KATNA1: variants seen among roughly 807,000 people sequenced by gnomAD.
KATNA1 encodes katanin p60 ATPase-containing subunit A1.
KATNA1 carries 42 observed loss-of-function variants against 62.6 expected under a neutral mutation model. That is an observed-to-expected ratio of 0.67 (90% CI 0.52 to 0.87). KATNA1 has a LOEUF of 0.87. Ranked by LOEUF, KATNA1 falls within the 40% of genes least tolerant of loss-of-function variation. KATNA1 has a pLI of 0.00. For synonymous variants in KATNA1, 186 were observed against 201.9 expected (o/e 0.92, Z 0.67); for missense variants, 498 against 612.5 (o/e 0.81, Z 1.97).
At chr6:149,627,666 A>G in intron 3 of KATNA1, among the ~76,000 whole-genome samples, 1 of 142,966 alleles carries the variant, frequency 7.0e-6, no homozygotes, top group African/African-American at 2.6e-5. Flanking sequence ...TGGGTGACAG[A>G]GTGAGACTCT....
intron 4 of KATNA1, among the ~76,000 whole-genome samples, chr6:149,613,796 T>C (rs74975855): frequency 6.6e-5 from 10 of 152,292 alleles, no homozygotes; most frequent in African/African-American, 2.4e-4. Context: ...AAGCAAGGTG[T>C]TGAAACTCAG....
intron 2 of KATNA1, among the ~76,000 whole-genome samples, chr6:149,637,911 C>A (rs9688858): frequency 0.53 from 80,804 of 151,896 alleles, 24,669 homozygotes; most frequent in East Asian, 0.83. Context: ...GATTATTATT[C>A]ATATAATAAA....
At chr6:149,603,588 C>T (rs1356053614) in intron 5 of KATNA1, among the ~76,000 whole-genome samples, 1 of 152,034 alleles carries the variant, frequency 6.6e-6, no homozygotes, top group African/African-American at 2.4e-5. Context: ...TGGCGGTTGA[C>T]AGTTTTTAGC....
intron 4 of KATNA1, among the ~76,000 whole-genome samples, chr6:149,614,739 A>G (rs1337832717): frequency 6.6e-6 from 1 of 152,198 alleles, no homozygotes; most frequent in East Asian, 1.9e-4. Context: ...CTGCCACCAT[A>G]TACCAGCCTG....
At chr6:149,627,744 CAGAG>C (rs1165782026) in intron 3 of KATNA1, among the ~76,000 whole-genome samples, 2 of 151,112 alleles carry the variant, frequency 1.3e-5, no homozygotes, top group African/African-American at 2.4e-5. Flanking sequence ...GTGGCAAAGT[CAGAG>C]ACAGACTTTC....
chr6:149,619,806 C>T (rs553755925), intron 4 of KATNA1, among the ~76,000 whole-genome samples: 102 of 152,128 alleles, frequency 6.7e-4, no homozygotes, highest in African/African-American at 2.1e-3. Context: ...TTTGGATATA[C>T]CCAGAATCAG....
intron 4 of KATNA1, among the ~76,000 whole-genome samples, chr6:149,614,874 G>A (rs1779100747): frequency 1.3e-5 from 2 of 152,122 alleles, no homozygotes; most frequent in African/African-American, 2.4e-5. Flanking sequence ...AGTGGCTCAC[G>A]CCTGTAATCC....
intron 4 of KATNA1, among the ~76,000 whole-genome samples, chr6:149,605,760 T>C (rs1778712432): frequency 6.6e-6 from 1 of 151,804 alleles, no homozygotes; most frequent in South Asian, 2.1e-4. Flanking sequence ...AATAATGCTT[T>C]ATTTATTTAT....
chr6:149,632,518 T>C (rs1391738815), intron 3 of KATNA1, among the ~76,000 whole-genome samples: 2 of 152,210 alleles, frequency 1.3e-5, no homozygotes, highest in Non-Finnish European at 2.9e-5. Flanking sequence ...GATAACACTG[T>C]CTCTACCACT....
In KATNA1 at chr6:149,623,260, C is replaced by T. The variant is rs759837219; in HGVS notation, c.344G>A (p.Arg115His). 2.1e-5 allele frequency: 34 copies of T among 1,598,890 alleles called. No homozygotes were observed. The highest frequency in any genetic ancestry group is 1.8e-4 in the South Asian group (16 of 87,186). The change falls in exon 4 of 11, where the codon CGC (arginine) becomes CAC (histidine). Residue 115 changes from arginine (R) to histidine (H), a missense_variant. This residue lies in a region of KATNA1 where 203 missense variants were observed against 198.4 expected (regional missense o/e 1.02). Coordinates refer to ENST00000367411, the MANE Select transcript of KATNA1 (RefSeq NM_007044.4). The stretch of plus-strand genomic sequence containing the variant: ...AGGGTCACTGTACTGAGAAGATTGG[C>T]GTTTTCTAGGTCCTGGTGAGGGTCT... ...ERRPSPGPRK[R>H]QSSQYSDPKS... is the part of the protein sequence containing the mutation.
chr6:149,621,123 C>CG (rs1489134206), intron 4 of KATNA1, among the ~76,000 whole-genome samples: 7 of 135,828 alleles, frequency 5.2e-5, no homozygotes, highest in Non-Finnish European at 9.6e-5. Context: ...CCTATGCCTT[C>CG]TTTTTTTTTT....
chr6:149,633,953 G>A (rs558459181), intron 2 of KATNA1, among the ~76,000 whole-genome samples: 3 of 150,064 alleles, frequency 2.0e-5, no homozygotes, highest in South Asian at 2.1e-4. Flanking sequence ...GTGAAACTCC[G>A]GCTCAAATAA....
At chr6:149,607,547 G>A (rs1375908817) in intron 4 of KATNA1, among the ~76,000 whole-genome samples, 6 of 152,092 alleles carry the variant, frequency 3.9e-5, no homozygotes, top group Non-Finnish European at 8.8e-5. Flanking sequence ...AGGAGGCGGA[G>A]GTTACACTGA....
intron 10 of KATNA1, 126 bp downstream of exon 10, chr6:149,596,937 T>C: frequency 1.2e-6 from 1 of 863,280 alleles, no homozygotes; most frequent in East Asian, 2.6e-5. Context: ...TGCAGTAAGC[T>C]GTGACTGCGC....
At chr6:149,647,681 C>T (rs558190845) in intron 1 of KATNA1, among the ~76,000 whole-genome samples, 3 of 152,254 alleles carry the variant, frequency 2.0e-5, no homozygotes, top group Admixed American at 1.3e-4. Context: ...CAAAGATCTA[C>T]TGCACCCATT....
intron 3 of KATNA1, chr6:149,631,576 AAAAAAAAAC>A (rs1471344267): frequency 1.4e-5 from 2 of 143,334 alleles, no homozygotes; most frequent in African/African-American, 5.5e-5. Flanking sequence ...AAAAAAAAAC[AAAAAAAAAC>A]ACAAGTAATC....
intron 1 of KATNA1, among the ~76,000 whole-genome samples, chr6:149,639,749 C>T (rs1780209873): frequency 6.6e-6 from 1 of 152,160 alleles, no homozygotes. Flanking sequence ...TAAACTCTCC[C>T]TCCTCTAAAG....
intron 6 of KATNA1, among the ~76,000 whole-genome samples, chr6:149,602,121 C>CT (rs1488615558): frequency 1.3e-5 from 2 of 152,154 alleles, no homozygotes; most frequent in Non-Finnish European, 2.9e-5. Flanking sequence ...AATCCCAGCA[C>CT]TTTGAGAGGC....
At chr6:149,632,057 T>C (rs913496460) in intron 3 of KATNA1, among the ~76,000 whole-genome samples, 1 of 152,212 alleles carries the variant, frequency 6.6e-6, no homozygotes, top group Non-Finnish European at 1.5e-5. Context: ...GATCCCTGTT[T>C]GAGAACCACT....
Sources: gnomAD v4.1 joint callset for allele counts (sites outside exome capture counted in the v4.1 genomes callset) on GRCh38, gnomAD v4.1.1 for gene constraint, gnomAD v4.1.1 regional missense constraint, MANE v1.5 for transcripts, NCBI Gene and HGNC (gene_info 2026-07-23, HGNC 2026-07-21) for gene names.